Variants in ZNF362 observed in about 807,000 individuals in gnomAD.
ZNF362 encodes zinc finger protein 362.
A neutral mutation model predicts 42.9 loss-of-function variants in ZNF362; 11 were observed. The ratio of observed to expected loss-of-function variants is 0.26; its 90% CI spans 0.16 to 0.42. The LOEUF is 0.42. ZNF362 is among the 20% of genes least tolerant of loss of function. The probability of loss-of-function intolerance (pLI) is 1.00; values close to 1 mark genes in which losing one functional copy is unlikely to be tolerated. For synonymous variants in ZNF362, 255 were observed against 257.3 expected, an observed-to-expected ratio of 0.99 and a Z score of 0.09; for missense variants, 362 against 576.2, an observed-to-expected ratio of 0.63 and a Z score of 3.81.
chr1:33,159,914 C>T, the ZNF362 span: 28 of 1,607,494 alleles, frequency 1.7e-5, no homozygotes, highest in East Asian at 1.1e-4. The surrounding 1 kb of genome is among the most constrained non-coding windows in gnomAD (Gnocchi z 4.2). Context: ...AAGGCCTCGC[C>T]GATAGTGGTC....
At position 33,276,558 on chromosome 1, in the gene ZNF362, GCGCTGCA is replaced by G; in HGVS notation, c.317_323del (p.Leu106HisfsTer20). 1 of 1,421,520 alleles carries G rather than the reference GCGCTGCA, an allele frequency of 7.0e-7. No homozygotes were observed. The highest frequency in any genetic ancestry group is 9.1e-7 in the Non-Finnish European group (1 of 1,094,326). 88.1% of individuals were successfully genotyped at this position (1,421,520 alleles called of 1,614,324 possible). On this transcript the variant is annotated frameshift_variant, in exon 4 of 9. Coordinates refer to ENST00000539719, the MANE Select transcript of ZNF362 (RefSeq NM_152493.3). LOFTEE classifies it high-confidence loss of function. Reference sequence around the variant, plus strand: ...ACAGGCGGTGCCGCAGCCCGACGTGGCGCTGCACGCACGGCCGGCCACCAGCACCGTC... The same window carrying G: ...ACAGGCGGTGCCGCAGCCCGACGTGGCGCACGGCCGGCCACCAGCACCGTC...
At chr1:33,149,254 G>A in the ZNF362 span, among the ~76,000 whole-genome samples, 1 of 152,222 alleles carries the variant, frequency 6.6e-6, no homozygotes, top group Non-Finnish European at 1.5e-5. Flanking sequence ...CCAGGTTCAA[G>A]TGATTCTCAT....
chr1:33,283,179 G>A (rs375588432), intron 6 of ZNF362, among the ~76,000 whole-genome samples: 11 of 152,158 alleles, frequency 7.2e-5, no homozygotes, highest in Non-Finnish European at 1.5e-4. Context: ...CCAGGCTGGA[G>A]TGCAGTGTCA....
At chr1:33,177,405 ACCTTAGAGAAGGAG>A in the ZNF362 span, among the ~76,000 whole-genome samples, 5 of 152,196 alleles carry the variant, frequency 3.3e-5, no homozygotes, top group African/African-American at 1.2e-4. The surrounding 1 kb of genome is among the most constrained non-coding windows in gnomAD (Gnocchi z 4.1). Context: ...TTATAGATGA[ACCTTAGAGAAGGAG>A]CCTTAGAGAA....
the ZNF362 span, among the ~76,000 whole-genome samples, chr1:33,137,506 C>T: frequency 6.6e-6 from 1 of 152,080 alleles, no homozygotes; most frequent in Non-Finnish European, 1.5e-5. Context: ...ACATGGATTC[C>T]AGTTGGGTTT....
At chr1:33,291,908 T>G (rs1256190142) in intron 6 of ZNF362, among the ~76,000 whole-genome samples, 2 of 152,172 alleles carry the variant, frequency 1.3e-5, no homozygotes, top group Non-Finnish European at 2.9e-5. Context: ...GATTTTTGCA[T>G]ATTGATTTTG....
Position 33,280,224 on chromosome 1 carries a change from C to T in ZNF362, c.450C>T (p.Thr150=), listed in dbSNP as rs1386275771. ...TGTSTPSTPT[T]TSQSRLIASS... The stretch of plus-strand genomic sequence containing the variant: ...CCAGCACCCCGTCCACACCCACCAC[C>T]ACCAGCCAGAGCCGCCTCATCGCCT... The change falls in exon 5 of 9, where the codon ACC becomes ACT. Residue 150 remains threonine, a synonymous_variant. Coordinates refer to ENST00000539719, the MANE Select transcript of ZNF362 (RefSeq NM_152493.3). This position sits in a 1 kb window ranked among gnomAD's most constrained non-coding sequence, Gnocchi z 5.6. 1.2e-6 allele frequency: 2 copies of T among 1,613,916 alleles called. No individual in the cohort carries two copies. Among genetic ancestry groups the T allele is most frequent in the Admixed American group, 1.7e-5 (1 of 60,012 alleles).
the ZNF362 span, among the ~76,000 whole-genome samples, chr1:33,170,474 C>T: frequency 3.9e-5 from 6 of 152,078 alleles, no homozygotes; most frequent in African/African-American, 7.2e-5. Flanking sequence ...TTTTCACAAT[C>T]TCAGTACCTA....
At chr1:33,202,642 C>G in the ZNF362 span, among the ~76,000 whole-genome samples, 1 of 151,188 alleles carries the variant, frequency 6.6e-6, no homozygotes, top group Non-Finnish European at 1.5e-5. Flanking sequence ...GATACTATGC[C>G]TCGGGAATGT....
chr1:33,230,671 G>A, the ZNF362 span, among the ~76,000 whole-genome samples: 85 of 152,336 alleles, frequency 5.6e-4, no homozygotes, highest in African/African-American at 2.0e-3. Context: ...TGCATCCTGC[G>A]GCTTGTGATT....
chr1:33,201,146 A>G, the ZNF362 span, among the ~76,000 whole-genome samples: 2 of 152,224 alleles, frequency 1.3e-5, no homozygotes, highest in African/African-American at 4.8e-5. Flanking sequence ...ATGAAGCAAA[A>G]ACTGATAGAA....
chr1:33,297,053 C>T (rs927799243), intron 8 of ZNF362, among the ~76,000 whole-genome samples: 1 of 152,072 alleles, frequency 6.6e-6, no homozygotes, highest in African/African-American at 2.4e-5. Context: ...TGTCAGGTGC[C>T]GGGCAGGGCT....
chr1:33,253,489 G>A (rs1278778235), upstream of ZNF362, among the ~76,000 whole-genome samples: 27 of 152,224 alleles, frequency 1.8e-4, no homozygotes, highest in Non-Finnish European at 1.5e-5. Context: ...GTCCTCAGAA[G>A]TGAGATAGCA....
chr1:33,297,887 T>C (rs900666447), intron 8 of ZNF362, among the ~76,000 whole-genome samples: 2 of 152,230 alleles, frequency 1.3e-5, no homozygotes, highest in African/African-American at 4.8e-5. Flanking sequence ...TTTTAATCTC[T>C]AGGTCCCCTT....
the ZNF362 span, among the ~76,000 whole-genome samples, chr1:33,250,167 T>G: frequency 6.6e-6 from 1 of 152,170 alleles, no homozygotes; most frequent in Non-Finnish European, 1.5e-5. Flanking sequence ...TTAGAGGACC[T>G]TAGCTAGAGG....
At chr1:33,220,144 G>T in the ZNF362 span, among the ~76,000 whole-genome samples, 1 of 152,164 alleles carries the variant, frequency 6.6e-6, no homozygotes, top group Non-Finnish European at 1.5e-5. Flanking sequence ...GCTTTGTAGG[G>T]AAGGAAAGGT....
intron 2 of ZNF362, among the ~76,000 whole-genome samples, chr1:33,273,181 G>A (rs1291023726): frequency 6.6e-6 from 1 of 152,272 alleles, no homozygotes; most frequent in Non-Finnish European, 1.5e-5. Flanking sequence ...CGCAGGAAGA[G>A]CTCAGGAAAT....
the ZNF362 span, among the ~76,000 whole-genome samples, chr1:33,237,313 CTGT>C: frequency 2.6e-5 from 4 of 152,218 alleles, no homozygotes; most frequent in African/African-American, 7.2e-5. Flanking sequence ...GGTACTGTTA[CTGT>C]TGTTGTTGTT....
At chr1:33,200,052 C>CA in the ZNF362 span, 891 of 152,580 alleles carry the variant, frequency 5.8e-3, 11 homozygotes, top group African/African-American at 0.02. Flanking sequence ...CAAAACAAAA[C>CA]AAAAAAACCA....
Sources: allele counts gnomAD v4.1 joint callset (sites outside exome capture counted in the v4.1 genomes callset), GRCh38; gene constraint gnomAD v4.1.1; non-coding constraint Gnocchi (gnomAD v3.1); transcripts MANE v1.5; gene names NCBI Gene and HGNC (gene_info 2026-07-23, HGNC 2026-07-21).